MPHOSPH8: variants seen among roughly 807,000 people sequenced by gnomAD.
MPHOSPH8 encodes the protein M-phase phosphoprotein 8.
MPHOSPH8 carries 45 observed loss-of-function variants against 87.3 expected under a neutral mutation model. The ratio of observed to expected loss-of-function variants is 0.52; its 90% CI spans 0.41 to 0.66. MPHOSPH8 has a LOEUF of 0.66. Among genes scored for constraint, MPHOSPH8 ranks in the 30% least tolerant of loss-of-function variants. The pLI is 0.00. For synonymous variants in MPHOSPH8, 366 were observed against 376.9 expected, an observed-to-expected ratio of 0.97 and a Z score of 0.33; for missense variants, 883 against 1,020.2, an observed-to-expected ratio of 0.87 and a Z score of 1.83.
chr13:19,667,591 A>C (rs1414744930), intron 10 of MPHOSPH8, among the ~76,000 whole-genome samples: 2 of 151,968 alleles, frequency 1.3e-5, no homozygotes, highest in Non-Finnish European at 2.9e-5. Context: ...TTTCCAGAAC[A>C]GGTGGAATCA....
At chr13:19,636,344 C>A (rs972372468) in intron 1 of MPHOSPH8, among the ~76,000 whole-genome samples, 1 of 152,122 alleles carries the variant, frequency 6.6e-6, no homozygotes, top group Admixed American at 6.5e-5. Context: ...AATAATATTT[C>A]TTGATTCTAA....
intron 2 of MPHOSPH8, among the ~76,000 whole-genome samples, chr13:19,645,845 A>G (rs948655069): frequency 6.6e-6 from 1 of 151,876 alleles, no homozygotes; most frequent in African/African-American, 2.4e-5. Context: ...AATACTTTGC[A>G]TAGTGTTTTT....
chr13:19,646,262 G>T (rs546007650), intron 2 of MPHOSPH8, among the ~76,000 whole-genome samples, 181 bp from the exon 3 acceptor site: 1 of 152,240 alleles, frequency 6.6e-6, no homozygotes, highest in South Asian at 2.1e-4. Context: ...TCACCGCCAA[G>T]ACCTGTTTGC....
rs138850698 is a variant in MPHOSPH8, at chr13:19,647,049, G to A, written c.976G>A (p.Val326Ile). 851 of 1,607,050 alleles carry A rather than the reference G, an allele frequency of 5.3e-4. No individual in the cohort carries two copies. Among genetic ancestry groups the A allele is most frequent in the Non-Finnish European group, 6.7e-4 (795 of 1,178,270 alleles). Residue 326 changes from valine (V) to isoleucine (I), a missense_variant, in exon 3 of 14, where the codon GTC (valine) becomes ATC (isoleucine). Val to Ile is a conservative substitution (Grantham distance 29). Coordinates refer to ENST00000361479, the MANE Select transcript of MPHOSPH8 (RefSeq NM_017520.4). ...CATGAGTGCTGAGGAGGATACCGAT[G>A]TCAGAGGCAGGAGGAAAAAGAAGAC... ...SAMSAEEDTDVRGRRKKKTPR... is the reference protein window; with the variant it reads ...SAMSAEEDTDIRGRRKKKTPR...
chr13:19,664,125 C>T (rs1219501325), intron 9 of MPHOSPH8, among the ~76,000 whole-genome samples: 3 of 152,098 alleles, frequency 2.0e-5, no homozygotes, highest in East Asian at 1.9e-4. Flanking sequence ...ACTACAGGTG[C>T]GAGCCACCAC....
At chr13:19,667,922 C>G (rs1371257050) in intron 10 of MPHOSPH8, among the ~76,000 whole-genome samples, 1 of 152,188 alleles carries the variant, frequency 6.6e-6, no homozygotes, top group African/African-American at 2.4e-5. Context: ...GGGTGGGCCT[C>G]TGGGACCGCG....
In MPHOSPH8 at chr13:19,671,899, G is replaced by C. The variant is rs767072111; in HGVS notation, c.*24G>C. Reference sequence around the variant, plus strand: ...GACCAAACAGAAGGGACTGGGCGGAGTTCTCTTCAGACCGATTCCTATACT... The same window carrying C: ...GACCAAACAGAAGGGACTGGGCGGACTTCTCTTCAGACCGATTCCTATACT... On this transcript the variant is annotated 3_prime_UTR_variant, in exon 14 of 14. Coordinates refer to ENST00000361479, the MANE Select transcript of MPHOSPH8 (RefSeq NM_017520.4). The C allele has an allele frequency of 3.1e-6, 5 of 1,610,854 alleles. No individual in the cohort carries two copies. In the Admixed American group the frequency reaches 8.3e-5, roughly 27 times the overall value.
chr13:19,664,135 C>T (rs1242694565), intron 9 of MPHOSPH8, among the ~76,000 whole-genome samples: 1 of 152,192 alleles, frequency 6.6e-6, no homozygotes, highest in Non-Finnish European at 1.5e-5. Context: ...CGAGCCACCA[C>T]ACCCAGCCAT....
At chr13:19,643,546 G>C (rs113867821) in intron 2 of MPHOSPH8, among the ~76,000 whole-genome samples, 92 of 152,170 alleles carry the variant, frequency 6.0e-4, no homozygotes, top group African/African-American at 2.1e-3. Flanking sequence ...CACTGTGCCC[G>C]ACCTGATTTT....
Position 19,666,530 on chromosome 13 carries a change from C to T in MPHOSPH8, c.2125C>T (p.Gln709Ter). Reference protein sequence around the residue: ...HQNSALHFAKQSNNVLVYDLL... With the variant: ...HQNSALHFAK ...GAATAGTGCCCTGCACTTTGCGAAGCAGTCTAACAATGTGCTTGTGTACGA... is the reference window on the plus strand; with the variant it reads ...GAATAGTGCCCTGCACTTTGCGAAGTAGTCTAACAATGTGCTTGTGTACGA... The change falls in exon 10 of 14, where the codon CAG (glutamine) becomes TAG (stop). Residue 709 changes from glutamine (Q) to a stop codon, truncating the protein, a stop_gained. Transcript: ENST00000361479. LOFTEE classifies it high-confidence loss of function. 1 of 1,605,622 alleles carries T rather than the reference C, an allele frequency of 6.2e-7. No homozygotes were observed. The highest frequency in any genetic ancestry group is 8.5e-7 in the Non-Finnish European group (1 of 1,173,032).
intron 1 of MPHOSPH8, among the ~76,000 whole-genome samples, chr13:19,639,521 G>C (rs1300175007): frequency 2.0e-5 from 3 of 151,994 alleles, no homozygotes; most frequent in Non-Finnish European, 2.9e-5. Context: ...ATGTTGGTCA[G>C]GGTGGTCTCA....
intron 5 of MPHOSPH8, 45 bp downstream of exon 5, chr13:19,650,305 A>G (rs777934986): frequency 5.7e-6 from 9 of 1,581,108 alleles, no homozygotes; most frequent in Non-Finnish European, 7.7e-6. Context: ...GTAGTGCACC[A>G]TATTATTTTA....
intron 1 of MPHOSPH8, 139 bp downstream of exon 1, chr13:19,634,100 C>G (rs2137488387): frequency 1.1e-6 from 1 of 909,612 alleles, no homozygotes; most frequent in East Asian, 2.7e-5. Flanking sequence ...CACGCGAAAT[C>G]GTGGGAAAAG....
intron 12 of MPHOSPH8, chr13:19,670,752 C>G: frequency 4.2e-6 from 5 of 1,193,872 alleles, no homozygotes; most frequent in Non-Finnish European, 5.3e-6. Context: ...TGGGGGCATT[C>G]TAATCCAGTT....
chr13:19,653,924 A>G (rs1469895859), intron 5 of MPHOSPH8, among the ~76,000 whole-genome samples: 8 of 152,238 alleles, frequency 5.3e-5, no homozygotes, highest in Non-Finnish European at 1.0e-4. Context: ...GACCAAATCT[A>G]CGTTTAATTA....
rs78673025 is a variant in MPHOSPH8 at position 19,638,222 on chromosome 13, A to G, written c.214-3893A>G. 9.6e-4 allele frequency among the ~76,000 whole-genome samples: 146 copies of G among 152,342 alleles called. 2 individuals are homozygous for G. In the East Asian group the frequency reaches 0.024, roughly 25 times the overall value. Reference sequence around the variant, plus strand: ...TCCCACCCATTTAATGTAGCTGAACAGTAAAAATAAAACTGTATTGCTGAA... The same window carrying G: ...TCCCACCCATTTAATGTAGCTGAACGGTAAAAATAAAACTGTATTGCTGAA... On this transcript the variant is annotated intron_variant, in intron 1 of 13. Coordinates refer to ENST00000361479, the MANE Select transcript of MPHOSPH8 (RefSeq NM_017520.4).
At chr13:19,656,193 C>T (rs990321311) in intron 5 of MPHOSPH8, among the ~76,000 whole-genome samples, 5 of 140,480 alleles carry the variant, frequency 3.6e-5, no homozygotes, top group East Asian at 4.6e-4. Flanking sequence ...GTAGGAGGAC[C>T]ATTTGAGCCC....
At chr13:19,670,907 C>T (rs1279830133) in intron 12 of MPHOSPH8, 2 of 989,332 alleles carry the variant, frequency 2.0e-6, no homozygotes, top group Admixed American at 2.3e-5. Context: ...GGAGTCTTGA[C>T]TTCCCAGGCA....
intron 10 of MPHOSPH8, 113 bp downstream of exon 10, chr13:19,666,692 A>G (rs1875837510): frequency 1.3e-5 from 12 of 905,018 alleles, no homozygotes; most frequent in Non-Finnish European, 1.7e-5. Context: ...CATCCAGCAC[A>G]AGTCCTGATG....
Sources: gnomAD v4.1 joint callset for allele counts (sites outside exome capture counted in the v4.1 genomes callset) on GRCh38, gnomAD v4.1.1 for gene constraint, MANE v1.5 for transcripts, NCBI Gene and HGNC (gene_info 2026-07-23, HGNC 2026-07-21) for gene names.